Variants in SETBP1 observed in about 807,000 individuals in gnomAD.
SETBP1 encodes the protein SET binding protein 1.
SETBP1 carries 9 observed loss-of-function variants against 101.0 expected under a neutral mutation model. The ratio of observed to expected loss-of-function variants is 0.09; its 90% confidence interval spans 0.05 to 0.16. The LOEUF (loss-of-function observed/expected upper bound fraction) is 0.16. SETBP1 is among the 10% of genes least tolerant of loss of function. The pLI, the probability that SETBP1 is intolerant of heterozygous loss-of-function variation, is 1.00. For missense variants in SETBP1, 1,858 were observed against 2,033.8 expected, an observed-to-expected ratio of 0.91 and a Z score of 1.66; for synonymous variants, 818 against 788.5, an observed-to-expected ratio of 1.04 and a Z score of -0.63.
chr18:45,037,789 A>T (rs955709118), intron 4 of SETBP1, among the ~76,000 whole-genome samples: 1 of 152,032 alleles, frequency 6.6e-6, no homozygotes, highest in Non-Finnish European at 1.5e-5. Flanking sequence ...AGGCCCCCAA[A>T]TCAGCTCTCC....
At chr18:45,031,139 G>C (rs2073289786) in intron 4 of SETBP1, among the ~76,000 whole-genome samples, 1 of 151,992 alleles carries the variant, frequency 6.6e-6, no homozygotes, top group Middle Eastern at 3.4e-3. Context: ...GCTTTCTCTT[G>C]CCCTGTTTCT....
intron 1 of SETBP1, among the ~76,000 whole-genome samples, chr18:44,689,650 G>A (rs954598139): frequency 6.6e-6 from 1 of 152,220 alleles, no homozygotes; most frequent in African/African-American, 2.4e-5. Context: ...AGCCCGAGGG[G>A]TTTAGTGTCT....
rs1469680687 is a variant in SETBP1 at position 45,063,475 on chromosome 18, C to G, written c.4568C>G (p.Pro1523Arg). The change falls in exon 6 of 6, where the codon CCC (proline) becomes CGC (arginine). Residue 1523 changes from proline to arginine, a missense_variant. Physicochemically the swap from Pro to Arg is moderately radical, Grantham distance 103. Around this residue, in one of 12 missense-constraint regions of SETBP1, gnomAD observed 178 missense variants for 189.1 expected, o/e 0.94. Coordinates refer to ENST00000649279, the MANE Select transcript of SETBP1 (RefSeq NM_015559.3). ...IHMAREAPPL[P>R]PPPPPPLPPP... ...ATGGCCCGGGAGGCGCCGCCCCTGC[C>G]CCCGCCACCGCCGCCGCCCCTGCCG... 1 of 1,449,900 alleles carries G rather than the reference C, an allele frequency of 6.9e-7. No individual in the cohort carries two copies. The highest frequency in any genetic ancestry group is 9.0e-7 in the Non-Finnish European group (1 of 1,105,850). The allele number at this position is 1,449,900 out of a possible 1,614,324, so 89.8% of individuals were successfully genotyped here. A position where few individuals can be genotyped will look rare whatever the true frequency, so the allele number is the denominator to read the frequency against.
chr18:44,795,816 A>C (rs896632450), intron 2 of SETBP1, among the ~76,000 whole-genome samples: 4 of 152,134 alleles, frequency 2.6e-5, no homozygotes, highest in Non-Finnish European at 5.9e-5. Context: ...TCTCTCTCTA[A>C]TTGTTAGAGA....
At chr18:45,052,873 T>C (rs1220367124) in intron 5 of SETBP1, among the ~76,000 whole-genome samples, 5 of 152,222 alleles carry the variant, frequency 3.3e-5, no homozygotes, top group African/African-American at 4.8e-5. Flanking sequence ...ATTCGAGCCC[T>C]TTGAAAATTC....
chr18:44,853,077 A>T (rs1404180244), intron 2 of SETBP1, among the ~76,000 whole-genome samples: 1 of 152,196 alleles, frequency 6.6e-6, no homozygotes, highest in South Asian at 2.1e-4. Context: ...TTGAAAGAGC[A>T]CTGGGGAATT....
chr18:44,719,628 C>T (rs1304019698), intron 2 of SETBP1, among the ~76,000 whole-genome samples: 1 of 152,202 alleles, frequency 6.6e-6, no homozygotes, highest in African/African-American at 2.4e-5. Flanking sequence ...GCCAGCTGTG[C>T]CCCACTCCAC....
chr18:44,930,837 A>G (rs1278909805), intron 3 of SETBP1, among the ~76,000 whole-genome samples: 5 of 147,040 alleles, frequency 3.4e-5, no homozygotes, highest in South Asian at 2.2e-4. Context: ...TTTCTTCTTT[A>G]TTAGTCTTGC....
intron 4 of SETBP1, among the ~76,000 whole-genome samples, chr18:45,016,434 A>G (rs1057323864): frequency 6.6e-6 from 1 of 151,988 alleles, no homozygotes; most frequent in Admixed American, 6.6e-5. Flanking sequence ...GCCCCCACCT[A>G]GGAAGGGGGA....
At chr18:44,911,460 G>A (rs2070307034) in intron 3 of SETBP1, among the ~76,000 whole-genome samples, 1 of 152,174 alleles carries the variant, frequency 6.6e-6, no homozygotes, top group African/African-American at 2.4e-5. Context: ...GAACTGAAAT[G>A]ACCTCCAAAG....
intron 4 of SETBP1, among the ~76,000 whole-genome samples, chr18:45,021,733 T>G (rs1021497657): frequency 6.6e-6 from 1 of 152,170 alleles, no homozygotes; most frequent in Non-Finnish European, 1.5e-5. Flanking sequence ...AAAACATAAC[T>G]CTCTCTAAGC....
At chr18:44,858,575 A>G (rs927210742) in intron 2 of SETBP1, among the ~76,000 whole-genome samples, 8 of 152,224 alleles carry the variant, frequency 5.3e-5, no homozygotes, top group Non-Finnish European at 1.2e-4. Context: ...ACTATATTTT[A>G]AAATATTTAT....
chr18:44,893,573 G>T (rs964321937), intron 3 of SETBP1, among the ~76,000 whole-genome samples: 4 of 152,148 alleles, frequency 2.6e-5, no homozygotes, highest in African/African-American at 4.8e-5. Flanking sequence ...CCTCACCCCG[G>T]TGTGGCCTTC....
rs1262374512 is a variant in SETBP1 at position 44,950,236 on chromosome 18, C to T, written c.896C>T (p.Pro299Leu). 1 of 1,613,892 alleles carries T rather than the reference C, an allele frequency of 6.2e-7. No individual in the cohort carries two copies. The highest frequency in any genetic ancestry group is 1.7e-5 in the Admixed American group (1 of 60,008). ...VAPSPSSHSS[P>L]APPSSSAECN... ...CCATCCCCAAGCAGCCACAGCTCAC[C>T]AGCCCCACCCAGCAGCTCTGCTGAG... The change falls in exon 4 of 6, where the codon CCA (proline) becomes CTA (leucine). Residue 299 changes from proline to leucine, a missense_variant. Coordinates refer to ENST00000649279, the MANE Select transcript of SETBP1 (RefSeq NM_015559.3).
chr18:45,062,172 GT>G (rs2145589263), intron 5 of SETBP1, among the ~76,000 whole-genome samples: 1 of 152,354 alleles, frequency 6.6e-6, no homozygotes, highest in South Asian at 2.1e-4. Context: ...AAACTAAGCA[GT>G]TCTGAAGGCC....
chr18:44,877,447 T>C (rs1484090195), intron 3 of SETBP1: 3 of 891,322 alleles, frequency 3.4e-6, no homozygotes, highest in African/African-American at 1.8e-5. Context: ...TACAAGCCTG[T>C]ATGTGAATAT....
At chr18:44,693,854 A>G (rs144930478) in intron 1 of SETBP1, among the ~76,000 whole-genome samples, 47 of 152,310 alleles carry the variant, frequency 3.1e-4, no homozygotes, top group African/African-American at 1.1e-3. Context: ...CTTGAACAAA[A>G]CCAGCTAAAG....
intron 2 of SETBP1, among the ~76,000 whole-genome samples, chr18:44,767,595 G>A (rs1040798237): frequency 1.3e-5 from 2 of 152,206 alleles, no homozygotes; most frequent in Non-Finnish European, 2.9e-5. Flanking sequence ...AAACAGGTTA[G>A]TAAATTGCAT....
At position 44,950,612 on chromosome 18, in the gene SETBP1, T is replaced by G. The variant is rs747795350; in HGVS notation, c.1272T>G (p.Ile424Met). 6.2e-7 allele frequency: 1 copy of G among 1,614,030 alleles called. No homozygotes were observed. The highest frequency in any genetic ancestry group is 8.5e-7 in the Non-Finnish European group (1 of 1,180,006). The stretch of plus-strand genomic sequence containing the variant: ...ATAAGAGGAAAAAAAGACAGTCCAT[T>G]AAAGCGGTGGTGGAAAAGATCATGC... ...TNHKRKKRQS[I>M]KAVVEKIMPE... The change falls in exon 4 of 6, where the codon ATT becomes ATG. Residue 424 changes from isoleucine (I) to methionine (M), a missense_variant. Ile to Met is a conservative substitution (Grantham distance 10, BLOSUM62 1). This residue lies in a region of SETBP1 where 581 missense variants were observed against 535.1 expected (regional missense o/e 1.09). Coordinates refer to ENST00000649279, the MANE Select transcript of SETBP1 (RefSeq NM_015559.3).
Sources: allele counts gnomAD v4.1 joint callset (sites outside exome capture counted in the v4.1 genomes callset), GRCh38; gene constraint gnomAD v4.1.1; regional missense constraint gnomAD v4.1.1; transcripts MANE v1.5; gene names NCBI Gene and HGNC (gene_info 2026-07-23, HGNC 2026-07-21).